The following WDHD1 variants were observed in gnomAD, a reference collection of about 807,000 sequenced individuals.
WDHD1 encodes the protein WD repeat and HMG-box DNA-binding protein 1.
WDHD1 carries 111 observed loss-of-function variants against 135.4 expected under a neutral mutation model. The observed-to-expected ratio is 0.82, with a 90% CI of 0.70 to 0.96. The LOEUF (loss-of-function observed/expected upper bound fraction) is 0.96, where lower values mean the gene tolerates loss of function less well. Ranked by LOEUF, WDHD1 falls within the 40% of genes least tolerant of loss-of-function variation. WDHD1 has a pLI of 0.00. For synonymous variants in WDHD1, 434 were observed against 439.0 expected (o/e 0.99, Z 0.14); for missense variants, 1,351 against 1,336.3 (o/e 1.01, Z -0.17).
intron 10 of WDHD1, 123 bp from the exon 11 acceptor site, chr14:54,995,936 A>G (rs1440861092): frequency 3.1e-6 from 2 of 648,460 alleles, no homozygotes; most frequent in African/African-American, 3.6e-5. Flanking sequence ...CACTGAACAG[A>G]TAAGAATAAT....
chr14:55,026,283 GAATC>G (rs1566750135), intron 2 of WDHD1, among the ~76,000 whole-genome samples: 1 of 151,848 alleles, frequency 6.6e-6, no homozygotes, highest in Non-Finnish European at 1.5e-5. Context: ...TATAGTTTAG[GAATC>G]AGAGGAAAAA....
At chr14:54,975,450 C>T (rs1054141030) in intron 16 of WDHD1, among the ~76,000 whole-genome samples, 1 of 151,752 alleles carries the variant, frequency 6.6e-6, no homozygotes, top group Non-Finnish European at 1.5e-5. Flanking sequence ...CAGGTTGAAG[C>T]GATTCTCTTG....
intron 21 of WDHD1, among the ~76,000 whole-genome samples, chr14:54,961,401 C>T (rs1409911895): frequency 1.3e-5 from 2 of 152,160 alleles, no homozygotes; most frequent in Admixed American, 6.5e-5. Flanking sequence ...GGCTCCTGCC[C>T]ATCACTCCGA....
At chr14:55,004,429 T>C (rs2042030084) in intron 7 of WDHD1, among the ~76,000 whole-genome samples, 2 of 152,178 alleles carry the variant, frequency 1.3e-5, no homozygotes, top group African/African-American at 4.8e-5. Flanking sequence ...CCACATGGAC[T>C]TTCCCTTTTT....
intron 7 of WDHD1, chr14:55,005,146 T>C: frequency 1.9e-6 from 1 of 536,614 alleles, no homozygotes. Flanking sequence ...ACATGCGAAC[T>C]TCCTGGATCG....
chr14:54,970,665 C>A (rs1462617682), intron 16 of WDHD1, among the ~76,000 whole-genome samples: 3 of 150,608 alleles, frequency 2.0e-5, no homozygotes, highest in African/African-American at 4.9e-5. Context: ...AAAGACCATA[C>A]TCCCCAAAGC....
intron 7 of WDHD1, among the ~76,000 whole-genome samples, chr14:55,006,361 T>C (rs2042069450): frequency 6.6e-6 from 1 of 152,242 alleles, no homozygotes; most frequent in Non-Finnish European, 1.5e-5. Flanking sequence ...CCTGTTACTG[T>C]ATCTTTTTCA....
chr14:55,002,005 A>G (rs542258875), intron 8 of WDHD1, 88 bp downstream of exon 8: 2 of 932,386 alleles, frequency 2.1e-6, no homozygotes, highest in South Asian at 2.9e-5. Flanking sequence ...TTTCCATTCC[A>G]ATAATATTTA....
intron 16 of WDHD1, among the ~76,000 whole-genome samples, chr14:54,975,134 C>T (rs1172579479): frequency 6.6e-6 from 1 of 152,148 alleles, no homozygotes; most frequent in East Asian, 1.9e-4. Context: ...CATTAAATAA[C>T]TCTTGTTTTG....
At chr14:55,005,468 A>C in intron 7 of WDHD1, 1 of 565,946 alleles carries the variant, frequency 1.8e-6, no homozygotes, top group Non-Finnish European at 3.4e-6. Context: ...TATGACACTG[A>C]CATTGAAAGA....
chr14:54,955,897 T>G (rs1042388521), intron 23 of WDHD1, among the ~76,000 whole-genome samples: 6 of 130,114 alleles, frequency 4.6e-5, no homozygotes, highest in Non-Finnish European at 4.7e-5. Context: ...ATGTTTTCCT[T>G]TTTTTTTTTT....
chr14:54,944,180 A>G, intron 25 of WDHD1, 152 bp downstream of exon 25: 1 of 777,200 alleles, frequency 1.3e-6, no homozygotes. Flanking sequence ...CAGGCTGGTC[A>G]CGAACTCCTG....
chr14:54,999,039 C>A (rs893062719), intron 10 of WDHD1, among the ~76,000 whole-genome samples: 19 of 152,224 alleles, frequency 1.2e-4, no homozygotes, highest in Middle Eastern at 3.4e-3. Flanking sequence ...AACTTTTTGT[C>A]TTCCCTGGAG....
At chr14:54,964,836 A>G (rs529553874) in intron 18 of WDHD1, among the ~76,000 whole-genome samples, 8 of 152,204 alleles carry the variant, frequency 5.3e-5, no homozygotes, top group Non-Finnish European at 1.5e-5. Context: ...ACACTGCCAC[A>G]GGGAAAAGCT....
At chr14:54,985,039 C>G (rs1436938892) in intron 14 of WDHD1, among the ~76,000 whole-genome samples, 179 bp from the exon 15 acceptor site, 1 of 152,216 alleles carries the variant, frequency 6.6e-6, no homozygotes, top group East Asian at 1.9e-4. Flanking sequence ...TAAGATGTTA[C>G]ATGGACTCTT....
chr14:55,010,205 A>T (rs2042145027), intron 4 of WDHD1, 104 bp downstream of exon 4: 2 of 1,232,124 alleles, frequency 1.6e-6, no homozygotes, highest in Non-Finnish European at 2.2e-6. Flanking sequence ...GAAACAACAA[A>T]CAACAAAAAA....
chr14:55,011,698 C>T (rs189586656), intron 3 of WDHD1, among the ~76,000 whole-genome samples: 1 of 151,572 alleles, frequency 6.6e-6, no homozygotes, highest in Admixed American at 6.6e-5. Flanking sequence ...CATAAGATTA[C>T]ACTATATTAA....
At chr14:54,998,382 G>A (rs2041921657) in intron 10 of WDHD1, among the ~76,000 whole-genome samples, 1 of 152,018 alleles carries the variant, frequency 6.6e-6, no homozygotes, top group East Asian at 1.9e-4. Flanking sequence ...CACCGGCCTC[G>A]GCCTCCCAAA....
intron 24 of WDHD1, among the ~76,000 whole-genome samples, chr14:54,953,949 A>C (rs979903997): frequency 1.3e-5 from 2 of 152,128 alleles, no homozygotes; most frequent in Non-Finnish European, 2.9e-5. Context: ...AGGAAGGGGA[A>C]CATCACACAC....
Sources: gnomAD v4.1 joint callset for allele counts (sites outside exome capture counted in the v4.1 genomes callset) on GRCh38, gnomAD v4.1.1 for gene constraint, MANE v1.5 for transcripts, NCBI Gene and HGNC (gene_info 2026-07-23, HGNC 2026-07-21) for gene names.